The following TAS2R1 variants were observed in gnomAD, a reference collection of about 807,000 sequenced individuals.
TAS2R1 encodes taste 2 receptor member 1, also known as taste receptor type 2 member 1.
For synonymous variants in TAS2R1, 141 were observed against 134.2 expected (o/e 1.05, Z -0.35); for missense variants, 370 against 353.4 (o/e 1.05, Z -0.38).
chr5:9,816,923 C>CT, the TAS2R1 span, among the ~76,000 whole-genome samples: 1 of 152,110 alleles, frequency 6.6e-6, no homozygotes, highest in African/African-American at 2.4e-5. Context: ...TAGAGTGGGT[C>CT]TGATCAGCGG....
chr5:9,790,632 AT>A, the TAS2R1 span, among the ~76,000 whole-genome samples: 4 of 151,452 alleles, frequency 2.6e-5, no homozygotes, highest in Non-Finnish European at 5.9e-5. Flanking sequence ...TAAAATAAGA[AT>A]TTTTTTTTCT....
rs146070375 is a variant in TAS2R1 at position 9,677,228 on chromosome 5, C to T, written c.-241-17647G>A. 2.6e-3 allele frequency among the ~76,000 whole-genome samples: 388 copies of T among 152,024 alleles called. 1 individual carries two copies. The highest frequency in any genetic ancestry group is 8.7e-3 in the African/African-American group (359 of 41,464). ...GATGAGAACACATGGACACATAGAC[C>T]GGAACAACACACAATAACACCTATT... On this transcript the variant is annotated intron_variant, in intron 1 of 2. Transcript: ENST00000506620.
the TAS2R1 span, among the ~76,000 whole-genome samples, chr5:9,759,172 T>C: frequency 6.6e-6 from 1 of 152,200 alleles, no homozygotes; most frequent in Non-Finnish European, 1.5e-5. Flanking sequence ...ATTTTTATAA[T>C]TGTCAAAATA....
upstream of TAS2R1, among the ~76,000 whole-genome samples, chr5:9,714,676 T>C (rs1734769477): frequency 6.6e-6 from 1 of 152,244 alleles, no homozygotes; most frequent in Non-Finnish European, 1.5e-5. Context: ...TAATAGAATA[T>C]GGCTGACACT....
chr5:9,655,608 T>A (rs2126491632), intron 2 of TAS2R1, among the ~76,000 whole-genome samples: 1 of 152,212 alleles, frequency 6.6e-6, no homozygotes, highest in South Asian at 2.1e-4. Context: ...AAATTTTAAA[T>A]GTGTGATGGG....
the TAS2R1 span, among the ~76,000 whole-genome samples, chr5:9,757,065 G>A: frequency 0.19 from 29,282 of 152,040 alleles, 3,312 homozygotes; most frequent in Middle Eastern, 0.33. Flanking sequence ...AGAAGTTAAA[G>A]AATAATCTTT....
chr5:9,678,174 T>C (rs1554053694), intron 1 of TAS2R1, among the ~76,000 whole-genome samples: 1 of 151,882 alleles, frequency 6.6e-6, no homozygotes, highest in Non-Finnish European at 1.5e-5. Context: ...AACAAACATA[T>C]GAAAAAAACC....
intron 1 of TAS2R1, among the ~76,000 whole-genome samples, chr5:9,696,045 C>G (rs948279289): frequency 1.4e-4 from 21 of 152,030 alleles, no homozygotes; most frequent in Non-Finnish European, 2.4e-4. Context: ...AATGAATAAC[C>G]TGTTTGGAAA....
At chr5:9,894,370 C>T in the TAS2R1 span, among the ~76,000 whole-genome samples, 1 of 139,924 alleles carries the variant, frequency 7.1e-6, no homozygotes, top group South Asian at 2.3e-4. Context: ...CGCCATTGTA[C>T]TCCAGCCGTG....
chr5:9,775,398 T>G, the TAS2R1 span, among the ~76,000 whole-genome samples: 1 of 152,096 alleles, frequency 6.6e-6, no homozygotes, highest in Non-Finnish European at 1.5e-5. Flanking sequence ...CTGGGGACCC[T>G]GAGATCCTAC....
At chr5:9,713,477 C>G (rs906896086), upstream of TAS2R1, among the ~76,000 whole-genome samples, 2 of 152,126 alleles carry the variant, frequency 1.3e-5, no homozygotes, top group Non-Finnish European at 2.9e-5. Flanking sequence ...ACTCCCACCC[C>G]CCACTGCTTT....
upstream of TAS2R1, among the ~76,000 whole-genome samples, chr5:9,713,491 T>C (rs1379713768): frequency 6.6e-6 from 1 of 152,184 alleles, no homozygotes; most frequent in Non-Finnish European, 1.5e-5. Context: ...CTGCTTTGAA[T>C]TACTTTGTGC....
At chr5:9,639,967 G>C (rs1186253547) in intron 2 of TAS2R1, among the ~76,000 whole-genome samples, 1 of 151,968 alleles carries the variant, frequency 6.6e-6, no homozygotes, top group Non-Finnish European at 1.5e-5. Context: ...TGTTCACTGG[G>C]GTAGCACTTT....
the TAS2R1 span, among the ~76,000 whole-genome samples, chr5:9,761,262 C>A: frequency 3.7e-4 from 56 of 152,152 alleles, no homozygotes. Context: ...TAAGCCTCTG[C>A]AAGGAATAGC....
At chr5:9,797,975 A>C in the TAS2R1 span, among the ~76,000 whole-genome samples, 2 of 149,590 alleles carry the variant, frequency 1.3e-5, no homozygotes, top group Admixed American at 6.6e-5. Context: ...ACGATAGTTT[A>C]AAAGTGGAAA....
rs1010994679 is a variant in TAS2R1 at position 9,692,362 on chromosome 5, C to T, written c.-242+19810G>A. Among the ~76,000 whole-genome samples, 36 of 152,266 alleles carry T rather than the reference C, an allele frequency of 2.4e-4. 1 individual carries two copies. The highest frequency in any genetic ancestry group is 6.2e-4 in the South Asian group (3 of 4,822). Reference sequence around the variant, plus strand: ...CCTGGTGAAGGAATGGACTTTCAACCATGTGCTACACAATCATATTTTTGT... The same window carrying T: ...CCTGGTGAAGGAATGGACTTTCAACTATGTGCTACACAATCATATTTTTGT... On this transcript the variant is annotated intron_variant, in intron 1 of 2. Transcript: ENST00000506620.
At chr5:9,721,080 T>C in the TAS2R1 span, among the ~76,000 whole-genome samples, 2 of 152,314 alleles carry the variant, frequency 1.3e-5, no homozygotes, top group African/African-American at 4.8e-5. Flanking sequence ...TGCTTACCTA[T>C]ATAAATAGAT....
the TAS2R1 span, among the ~76,000 whole-genome samples, chr5:9,874,143 A>C: frequency 5.3e-5 from 8 of 152,170 alleles, no homozygotes; most frequent in Admixed American, 3.9e-4. Context: ...ATACAACATA[A>C]AATTTTATAA....
At chr5:9,871,515 C>T in the TAS2R1 span, among the ~76,000 whole-genome samples, 2 of 152,200 alleles carry the variant, frequency 1.3e-5, no homozygotes, top group African/African-American at 2.4e-5. Context: ...GTAAAGCCCT[C>T]AGCCCTGGCT....
Sources: allele counts gnomAD v4.1 joint callset (sites outside exome capture counted in the v4.1 genomes callset), GRCh38; gene constraint gnomAD v4.1.1; transcripts MANE v1.5; gene names NCBI Gene and HGNC (gene_info 2026-07-23, HGNC 2026-07-21).